PURG: variants seen among roughly 807,000 people sequenced by gnomAD.
PURG encodes the protein purine-rich element-binding protein gamma.
In PURG, 3 loss-of-function variants were observed where a neutral mutation model predicts 24.3. The ratio of observed to expected loss-of-function variants is 0.12; its 90% CI spans 0.06 to 0.32. PURG has a LOEUF of 0.32. PURG is among the 10% of genes least tolerant of loss of function. The probability of loss-of-function intolerance (pLI) is 1.00; values close to 1 mark genes in which losing one functional copy is unlikely to be tolerated. For synonymous variants in PURG, 180 were observed against 173.1 expected (o/e 1.04, Z -0.31); for missense variants, 371 against 439.1 (o/e 0.84, Z 1.39).
intron 1 of PURG, among the ~76,000 whole-genome samples, chr8:31,002,299 G>A (rs531442500): frequency 6.6e-6 from 1 of 152,176 alleles, no homozygotes; most frequent in East Asian, 1.9e-4. Context: ...TCTATGTTAT[G>A]CTAACTGGTT....
chr8:31,017,800 T>C (rs1465262611), intron 1 of PURG, among the ~76,000 whole-genome samples: 2 of 152,220 alleles, frequency 1.3e-5, no homozygotes, highest in Admixed American at 6.5e-5. Context: ...ATGTTGCTTC[T>C]TTCCACCTTA....
chr8:31,023,009 G>A (rs1236612697), intron 1 of PURG, among the ~76,000 whole-genome samples: 2 of 152,168 alleles, frequency 1.3e-5, no homozygotes, highest in Non-Finnish European at 2.9e-5. Flanking sequence ...TATCTGATGG[G>A]AAGCTGAGGA....
intron 1 of PURG, among the ~76,000 whole-genome samples, chr8:31,013,917 C>T (rs924576488): frequency 5.9e-5 from 9 of 151,844 alleles, no homozygotes; most frequent in Admixed American, 2.0e-4. Flanking sequence ...GTGAGAGGAG[C>T]GCTGAAAACA....
At chr8:31,002,261 T>G (rs1027182779) in intron 1 of PURG, among the ~76,000 whole-genome samples, 3 of 152,186 alleles carry the variant, frequency 2.0e-5, no homozygotes, top group Non-Finnish European at 4.4e-5. Context: ...GACTTGATGA[T>G]GTTGAAAGTC....
At chr8:31,017,672 G>A (rs1210499893) in intron 1 of PURG, among the ~76,000 whole-genome samples, 4 of 152,078 alleles carry the variant, frequency 2.6e-5, no homozygotes, top group African/African-American at 4.8e-5. Context: ...AGGCAGAATC[G>A]AGTTTCATAT....
At chr8:31,005,294 G>A (rs1005050773) in intron 1 of PURG, among the ~76,000 whole-genome samples, 51 of 152,022 alleles carry the variant, frequency 3.4e-4, no homozygotes, top group Admixed American at 3.0e-3. Flanking sequence ...TTAGCTGGGC[G>A]TGGTGGCATG....
downstream of PURG, among the ~76,000 whole-genome samples, chr8:31,026,217 TA>T (rs1811085569): frequency 6.6e-6 from 1 of 151,826 alleles, no homozygotes; most frequent in African/African-American, 2.4e-5. Flanking sequence ...TTAAAGCTTT[TA>T]AATATGGGTG....
At chr8:30,996,464 G>A in exon 2 of PURG, 1 of 594,194 alleles carries the variant, frequency 1.7e-6, no homozygotes, top group Non-Finnish European at 3.0e-6. Flanking sequence ...TGATGCCAGT[G>A]GTGTTGATAC....
chr8:31,009,674 T>G (rs1469417117), intron 1 of PURG, among the ~76,000 whole-genome samples: 1 of 152,196 alleles, frequency 6.6e-6, no homozygotes, highest in Non-Finnish European at 1.5e-5. Context: ...TACAACATAA[T>G]AAATGTGATT....
At chr8:31,022,399 A>C (rs1402205635) in intron 1 of PURG, among the ~76,000 whole-genome samples, 3 of 152,218 alleles carry the variant, frequency 2.0e-5, no homozygotes, top group African/African-American at 7.2e-5. Context: ...TCTGTTTTCT[A>C]TTCATCCTAA....
intron 1 of PURG, among the ~76,000 whole-genome samples, chr8:31,021,251 G>A (rs915047851): frequency 6.6e-6 from 1 of 152,070 alleles, no homozygotes; most frequent in Non-Finnish European, 1.5e-5. Flanking sequence ...CTAAGATAAC[G>A]TAACCAGTTG....
intron 1 of PURG, among the ~76,000 whole-genome samples, chr8:31,002,494 T>C (rs1308383399): frequency 6.6e-6 from 1 of 152,230 alleles, no homozygotes; most frequent in Non-Finnish European, 1.5e-5. Context: ...TTTATTTTTA[T>C]TTTTCTTGAG....
downstream of PURG, among the ~76,000 whole-genome samples, chr8:31,028,391 A>G (rs1811128328): frequency 1.3e-5 from 2 of 151,860 alleles, no homozygotes; most frequent in Non-Finnish European, 3.0e-5. Flanking sequence ...ATTGAAACAC[A>G]TCCCACCTGT....
At chr8:31,013,994 C>T (rs1171404240) in intron 1 of PURG, among the ~76,000 whole-genome samples, 1 of 152,018 alleles carries the variant, frequency 6.6e-6, no homozygotes, top group Non-Finnish European at 1.5e-5. Context: ...TAAATCTTTT[C>T]AACTCAAGGA....
downstream of PURG, among the ~76,000 whole-genome samples, chr8:31,030,231 C>A (rs1302453374): frequency 6.6e-6 from 1 of 151,982 alleles, no homozygotes; most frequent in Non-Finnish European, 1.5e-5. Flanking sequence ...TGATTTGAAT[C>A]CATGCAGCCA....
intron 1 of PURG, among the ~76,000 whole-genome samples, chr8:31,024,438 C>T (rs558639777): frequency 2.6e-5 from 4 of 152,120 alleles, no homozygotes; most frequent in South Asian, 4.1e-4. Flanking sequence ...AGGGTCAGGC[C>T]GCACCTTGGC....
chr8:31,011,376 T>C (rs908207945), intron 1 of PURG, among the ~76,000 whole-genome samples: 3 of 152,134 alleles, frequency 2.0e-5, no homozygotes, highest in Non-Finnish European at 4.4e-5. Flanking sequence ...CAATGGCACA[T>C]GAAATGAAAC....
At chr8:31,014,309 A>G (rs1217279157) in intron 1 of PURG, among the ~76,000 whole-genome samples, 1 of 152,192 alleles carries the variant, frequency 6.6e-6, no homozygotes, top group African/African-American at 2.4e-5. Flanking sequence ...GTTTTTCCCT[A>G]TGGGAGGATC....
intron 1 of PURG, among the ~76,000 whole-genome samples, chr8:31,019,338 T>TA: frequency 7.4e-6 from 1 of 134,622 alleles, no homozygotes; most frequent in Non-Finnish European, 1.6e-5. Context: ...TTTTTTTTTT[T>TA]TTTTTTTTTT....
Sources: gnomAD v4.1 joint callset for allele counts (sites outside exome capture counted in the v4.1 genomes callset) on GRCh38, gnomAD v4.1.1 for gene constraint, MANE v1.5 for transcripts, NCBI Gene and HGNC (gene_info 2026-07-23, HGNC 2026-07-21) for gene names.